APBB2: variants seen among roughly 807,000 people sequenced by gnomAD.
APBB2 encodes the protein amyloid beta precursor protein binding family B member 2, also known as Fe65-like 1.
In APBB2, 38 loss-of-function variants were observed where a neutral mutation model predicts 82.5. The observed-to-expected ratio is 0.46, with a 90% CI of 0.36 to 0.60. The LOEUF (loss-of-function observed/expected upper bound fraction) is 0.60. Among genes scored for constraint, APBB2 ranks in the 20% least tolerant of loss-of-function variants. The probability of loss-of-function intolerance (pLI) is 0.00; values close to 1 mark genes in which losing one functional copy is unlikely to be tolerated. For missense variants in APBB2, 772 were observed against 972.3 expected (o/e 0.79, Z 2.74); for synonymous variants, 341 against 368.2 (o/e 0.93, Z 0.85).
chr4:41,172,653 C>T (rs1196560061), intron 1 of APBB2, among the ~76,000 whole-genome samples: 2 of 152,248 alleles, frequency 1.3e-5, no homozygotes, highest in Non-Finnish European at 2.9e-5. Context: ...GCTCTGCCCA[C>T]ATCCTCAGCT....
intron 2 of APBB2, among the ~76,000 whole-genome samples, chr4:41,139,891 T>C (rs75245687): frequency 0.067 from 10,251 of 152,234 alleles, 490 homozygotes; most frequent in Non-Finnish European, 0.1. Flanking sequence ...GTGAACCTAA[T>C]ATAAACTATA....
chr4:40,904,363 G>A (rs1176458212), intron 10 of APBB2, among the ~76,000 whole-genome samples: 3 of 151,914 alleles, frequency 2.0e-5, no homozygotes, highest in African/African-American at 4.8e-5. Context: ...CCTGGGAGGC[G>A]CAGGTTGCAG....
intron 1 of APBB2, among the ~76,000 whole-genome samples, chr4:41,168,822 A>T (rs1010863639): frequency 4.6e-5 from 7 of 152,128 alleles, no homozygotes; most frequent in Non-Finnish European, 1.0e-4. Context: ...TTTCTACCTG[A>T]TACAGGAAAT....
chr4:40,823,555 T>C (rs1395407883), intron 16 of APBB2, 89 bp downstream of exon 16: 23 of 931,128 alleles, frequency 2.5e-5, no homozygotes, highest in Non-Finnish European at 3.8e-5. Flanking sequence ...AACTCCGGCC[T>C]TGACTATGTT....
chr4:41,098,285 C>T (rs1326057420), intron 3 of APBB2, among the ~76,000 whole-genome samples: 1 of 151,940 alleles, frequency 6.6e-6, no homozygotes, highest in Non-Finnish European at 1.5e-5. Context: ...CCTGGGCTCA[C>T]GTGACCCTCC....
intron 2 of APBB2, among the ~76,000 whole-genome samples, chr4:41,119,623 G>A (rs576283527): frequency 2.7e-5 from 4 of 150,228 alleles, no homozygotes; most frequent in Admixed American, 1.3e-4. Flanking sequence ...AACTTCAAGC[G>A]TCTGTCTGTA....
rs1343189541 is a variant in APBB2, at chr4:40,810,604, G to A, written c.*5488C>T. On this transcript the variant is annotated 3_prime_UTR_variant, in exon 18 of 18. Transcript: ENST00000508593. Reference sequence around the variant, plus strand: ...AAAAAAAAAAAAAAAAAAAAAAAGTGTCAATGAAGAAAGGAAACAAGACTT... The same window carrying A: ...AAAAAAAAAAAAAAAAAAAAAAAGTATCAATGAAGAAAGGAAACAAGACTT... 1.5e-5 allele frequency: 2 copies of A among 132,340 alleles called. No individual in the cohort carries two copies. The highest frequency in any genetic ancestry group is 5.3e-5 in the African/African-American group (2 of 37,508). The allele number at this position is 132,340 out of a possible 1,614,324, so 8.2% of individuals were successfully genotyped here. A position where few individuals can be genotyped will look rare whatever the true frequency, so the allele number is the denominator to read the frequency against.
intron 6 of APBB2, among the ~76,000 whole-genome samples, chr4:40,947,619 G>A (rs1788813370): frequency 6.6e-6 from 1 of 152,226 alleles, no homozygotes; most frequent in Admixed American, 6.5e-5. Flanking sequence ...AATAAAAAGA[G>A]GAGGTTTATT....
chr4:40,992,949 T>G (rs1391492996), intron 6 of APBB2, among the ~76,000 whole-genome samples: 1 of 152,260 alleles, frequency 6.6e-6, no homozygotes, highest in Non-Finnish European at 1.5e-5. Flanking sequence ...AGTTATTTTC[T>G]GTTTGTGTAC....
chr4:41,037,470 A>AT (rs1258021744), intron 4 of APBB2, among the ~76,000 whole-genome samples: 4 of 152,214 alleles, frequency 2.6e-5, no homozygotes, highest in Non-Finnish European at 1.5e-5. Flanking sequence ...GGGTTAGATA[A>AT]TTATACAAAA....
In APBB2 at chr4:40,826,919, C is replaced by T. The variant is rs1750141992; in HGVS notation, c.1732+213G>A. 2.0e-6 allele frequency: 1 copy of T among 490,530 alleles called. No individual in the cohort carries two copies. Among genetic ancestry groups the T allele is most frequent in the South Asian group, 3.2e-5 (1 of 31,602 alleles). The allele number at this position is 490,530 out of a possible 1,614,324, so 30.4% of individuals were successfully genotyped here. A position where few individuals can be genotyped will look rare whatever the true frequency, so the allele number is the denominator to read the frequency against. On this transcript the variant is annotated intron_variant, in intron 14 of 17. Transcript: ENST00000508593. This position sits in a 1 kb window ranked among gnomAD's most constrained non-coding sequence, Gnocchi z 4.5. ...AATATTCTTTAATCTTGTCCAATAA[C>T]AACAAAACTCATCCTGGCTTTATGC...
rs1553925625 is a variant in APBB2, at chr4:40,822,042, C to G, written c.1941G>C (p.Glu647Asp). ...TVTVISEKNEEEVLVECRVRF... is the reference protein window; with the variant it reads ...TVTVISEKNEDEVLVECRVRF... Reference sequence around the variant, plus strand: ...GCACACGACATTCCACTAAGACTTCCTCTTCATTCTGCAAGAGACATTATG... The same window carrying G: ...GCACACGACATTCCACTAAGACTTCGTCTTCATTCTGCAAGAGACATTATG... The change falls in exon 17 of 18, where the codon GAG (glutamate) becomes GAC (aspartate). Residue 647 changes from glutamate (E) to aspartate (D), a missense_variant. Coordinates refer to ENST00000508593, the MANE Select transcript of APBB2 (RefSeq NM_004307.2). 1.2e-6 allele frequency: 2 copies of G among 1,614,180 alleles called. No homozygotes were observed. Among genetic ancestry groups the G allele is most frequent in the Non-Finnish European group, 1.7e-6 (2 of 1,180,010 alleles).
chr4:40,949,019 C>T (rs1159518805), intron 6 of APBB2, among the ~76,000 whole-genome samples: 2 of 151,952 alleles, frequency 1.3e-5, no homozygotes, highest in African/African-American at 2.4e-5. Flanking sequence ...TGGCTCATGC[C>T]TATAATCCCA....
intron 6 of APBB2, among the ~76,000 whole-genome samples, chr4:40,949,650 G>A (rs1025990794): frequency 6.6e-6 from 1 of 152,004 alleles, no homozygotes; most frequent in African/African-American, 2.4e-5. Context: ...AACACCAGGC[G>A]ATTTGAGGAG....
chr4:40,888,868 T>G (rs1319000189), intron 12 of APBB2, among the ~76,000 whole-genome samples: 1 of 152,270 alleles, frequency 6.6e-6, no homozygotes, highest in Non-Finnish European at 1.5e-5. Context: ...GCTCTGCACT[T>G]TGGCTCCTGC....
chr4:41,213,290 T>TTAGA (rs1195943248), intron 1 of APBB2, among the ~76,000 whole-genome samples: 1 of 152,104 alleles, frequency 6.6e-6, no homozygotes, highest in African/African-American at 2.4e-5. Context: ...ACGTAAGTAA[T>TTAGA]TAGACACAAT....
intron 12 of APBB2, among the ~76,000 whole-genome samples, chr4:40,867,126 T>C (rs1271850371): frequency 2.0e-5 from 3 of 152,216 alleles, no homozygotes; most frequent in African/African-American, 7.2e-5. Flanking sequence ...AAAAGCTTTA[T>C]TGGAACACAG....
At chr4:41,163,881 T>C (rs1765812258) in intron 1 of APBB2, among the ~76,000 whole-genome samples, 1 of 152,196 alleles carries the variant, frequency 6.6e-6, no homozygotes, top group Non-Finnish European at 1.5e-5. Context: ...AAACCTCAAA[T>C]AACATACTTC....
chr4:40,980,947 T>C (rs1798311977), intron 6 of APBB2, among the ~76,000 whole-genome samples: 3 of 152,198 alleles, frequency 2.0e-5, no homozygotes, highest in Admixed American at 2.0e-4. Context: ...ACAATGAAGA[T>C]TCTTGGGCCC....
Sources: gnomAD v4.1 joint callset for allele counts (sites outside exome capture counted in the v4.1 genomes callset) on GRCh38, gnomAD v4.1.1 for gene constraint, Gnocchi (gnomAD v3.1) non-coding constraint, MANE v1.5 for transcripts, NCBI Gene and HGNC (gene_info 2026-07-23, HGNC 2026-07-21) for gene names.